The following FGFR2 variants were observed in gnomAD, a reference collection of about 807,000 sequenced individuals.
FGFR2 encodes the protein BEK fibroblast growth factor receptor.
FGFR2 carries 19 observed loss-of-function variants against 95.9 expected under a neutral mutation model. The ratio of observed to expected loss-of-function variants is 0.20; its 90% CI spans 0.14 to 0.29. The LOEUF (loss-of-function observed/expected upper bound fraction) is 0.29, where lower values mean the gene tolerates loss of function less well. Among genes scored for constraint, FGFR2 ranks in the 10% least tolerant of loss-of-function variants. The pLI, the probability that FGFR2 is intolerant of heterozygous loss-of-function variation, is 1.00. For synonymous variants in FGFR2, 392 were observed against 393.3 expected (o/e 1.00, Z 0.04); for missense variants, 707 against 1,056.9 (o/e 0.67, Z 4.59).
chr10:121,494,239 A>G (rs1846490761), intron 13 of FGFR2, among the ~76,000 whole-genome samples: 1 of 151,732 alleles, frequency 6.6e-6, no homozygotes, highest in Non-Finnish European at 1.5e-5. Context: ...ACCTTTTTCA[A>G]TATTTTTTTA....
At chr10:121,496,798 A>T (rs1846887189) in intron 12 of FGFR2, 76 bp from the exon 13 acceptor site, 18 of 1,238,810 alleles carry the variant, frequency 1.5e-5, no homozygotes, top group Non-Finnish European at 2.1e-5. Context: ...AAACATTTTT[A>T]GTTATTACAA....
chr10:121,520,395 A>G (rs1217851085), intron 6 of FGFR2, among the ~76,000 whole-genome samples: 7 of 152,222 alleles, frequency 4.6e-5, no homozygotes, highest in Non-Finnish European at 1.0e-4. Flanking sequence ...TAGAAAATTG[A>G]GAAAAGAACT....
intron 2 of FGFR2, among the ~76,000 whole-genome samples, chr10:121,587,379 A>C (rs541152535): frequency 6.6e-6 from 1 of 152,364 alleles, no homozygotes; most frequent in East Asian, 1.9e-4. Flanking sequence ...CATCAAAAGC[A>C]ATTGCAACAA....
At chr10:121,496,344 T>A (rs1210955773) in intron 13 of FGFR2, among the ~76,000 whole-genome samples, 188 bp downstream of exon 13, 1 of 152,184 alleles carries the variant, frequency 6.6e-6, no homozygotes, top group Non-Finnish European at 1.5e-5. Context: ...ATGCTATAGG[T>A]TTATGAGGCT....
At chr10:121,581,243 G>A (rs530850539) in intron 2 of FGFR2, among the ~76,000 whole-genome samples, 30 of 152,300 alleles carry the variant, frequency 2.0e-4, no homozygotes, top group African/African-American at 6.7e-4. Context: ...CCAGCTGCAC[G>A]CATTCACTCA....
chr10:121,575,017 G>A (rs575002337), intron 2 of FGFR2, among the ~76,000 whole-genome samples: 5 of 152,322 alleles, frequency 3.3e-5, no homozygotes, highest in South Asian at 2.1e-4. Flanking sequence ...GCTAACAGCC[G>A]CCTCTGCAGC....
At chr10:121,548,863 T>TC (rs1307736887) in intron 5 of FGFR2, among the ~76,000 whole-genome samples, 1 of 151,792 alleles carries the variant, frequency 6.6e-6, no homozygotes, top group Non-Finnish European at 1.5e-5. Context: ...CTAACCAGCA[T>TC]CCCCCCATGA....
intron 9 of FGFR2, among the ~76,000 whole-genome samples, chr10:121,509,779 G>T (rs908692248): frequency 6.6e-6 from 1 of 151,832 alleles, no homozygotes; most frequent in Non-Finnish European, 1.5e-5. Context: ...CACTGCGCCC[G>T]GTCTAACAGT....
At chr10:121,484,569 C>A (rs760378119) in intron 16 of FGFR2, among the ~76,000 whole-genome samples, 1 of 152,312 alleles carries the variant, frequency 6.6e-6, no homozygotes, top group East Asian at 1.9e-4. Context: ...AAATGATACA[C>A]AATAGACCGC....
At chr10:121,512,029 G>T (rs1346232514) in intron 9 of FGFR2, among the ~76,000 whole-genome samples, 1 of 152,196 alleles carries the variant, frequency 6.6e-6, no homozygotes, top group Admixed American at 6.5e-5. Context: ...CGCTGTGTGT[G>T]TATGGGTGTT....
At chr10:121,504,528 T>C (rs948184745) in intron 9 of FGFR2, among the ~76,000 whole-genome samples, 18 of 152,146 alleles carry the variant, frequency 1.2e-4, no homozygotes, top group Admixed American at 1.3e-4. Flanking sequence ...GACCCCAGCA[T>C]TGGGGGCCAT....
intron 5 of FGFR2, among the ~76,000 whole-genome samples, chr10:121,539,274 C>A (rs1853337704): frequency 6.6e-6 from 1 of 152,230 alleles, no homozygotes; most frequent in Admixed American, 6.5e-5. Flanking sequence ...GAACATCAGT[C>A]TGCCCTTCCC....
rs189761593 is a variant in FGFR2, at chr10:121,590,970, C to T, written c.109+2739G>A. ...TGATGGACAGGGGCACAGGCACGCA[C>T]GCACGCACGCGCACTCGCGCACACA... On this transcript the variant is annotated intron_variant, in intron 2 of 17. Coordinates refer to ENST00000358487, the MANE Select transcript of FGFR2 (RefSeq NM_000141.5). Among the ~76,000 whole-genome samples the T allele has an allele frequency of 8.9e-4, 135 of 152,062 alleles. 1 individual carries two copies. Among genetic ancestry groups the T allele is most frequent in the East Asian group, 1.9e-3 (10 of 5,176 alleles).
intron 4 of FGFR2, among the ~76,000 whole-genome samples, chr10:121,560,611 T>TC (rs1484022216): frequency 1.3e-3 from 47 of 36,248 alleles, no homozygotes; most frequent in Admixed American, 3.4e-3. Flanking sequence ...CAAGACTCCG[T>TC]CCCCAAAAAA....
rs577082045 is a variant in FGFR2, at chr10:121,563,764, T to C, written c.454+738A>G. ...TTGTGGAGCAAGATTCAAACCCAGG[T>C]TGCCCAGCTCCAAGAGGCTACGCCA... On this transcript the variant is annotated intron_variant, in intron 4 of 17. Coordinates refer to ENST00000358487, the MANE Select transcript of FGFR2 (RefSeq NM_000141.5). Among the ~76,000 whole-genome samples, 14 of 152,292 alleles carry C rather than the reference T, an allele frequency of 9.2e-5. No homozygotes were observed. In the South Asian group the frequency reaches 1.0e-3, roughly 11 times the overall value.
intron 2 of FGFR2, among the ~76,000 whole-genome samples, chr10:121,570,440 C>G (rs1452519835): frequency 6.6e-6 from 1 of 152,242 alleles, no homozygotes; most frequent in Non-Finnish European, 1.5e-5. Flanking sequence ...GACAACCTCT[C>G]CCTGACTCCA....
In FGFR2 at chr10:121,518,843, A is replaced by G. The variant is rs892224451; in HGVS notation, c.939+1136T>C. 1 of 1,614,030 alleles carries G rather than the reference A, an allele frequency of 6.2e-7. No homozygotes were observed. Among genetic ancestry groups the G allele is most frequent in the Non-Finnish European group, 8.5e-7 (1 of 1,179,906 alleles). ...TATCCCCGAGTGCTAGAACAGACAC[A>G]GGAGAACAATATAACGGCCAACCAG... On this transcript the variant is annotated intron_variant, in intron 7 of 17. Transcript: ENST00000358487. The surrounding 1 kb of genome is among the most constrained non-coding windows in gnomAD (Gnocchi z 4.0).
At chr10:121,496,226 G>A (rs896919698) in intron 13 of FGFR2, among the ~76,000 whole-genome samples, 5 of 151,922 alleles carry the variant, frequency 3.3e-5, no homozygotes, top group Non-Finnish European at 5.9e-5. Context: ...CGAATTAAAG[G>A]GGGCCTTTAA....
In FGFR2 at chr10:121,500,702, AC is replaced by A; in HGVS notation, c.1561+123del. On this transcript the variant is annotated intron_variant, in intron 11 of 17. Coordinates refer to ENST00000358487, the MANE Select transcript of FGFR2 (RefSeq NM_000141.5). ...GCTGATTTATACCGAAAACTTCTCA[AC>A]CCCTAGGTCAACTATGTGCTCTCTG... is the stretch of plus-strand genomic sequence containing the variant. The A allele has an allele frequency of 5.1e-6, 7 of 1,364,552 alleles. No homozygotes were observed. The South Asian group carries it at 8.4e-5, about 16-fold the overall frequency. The allele number at this position is 1,364,552 out of a possible 1,614,324, so 84.5% of individuals were successfully genotyped here.
Sources: gnomAD v4.1 joint callset for allele counts (sites outside exome capture counted in the v4.1 genomes callset) on GRCh38, gnomAD v4.1.1 for gene constraint, Gnocchi (gnomAD v3.1) non-coding constraint, MANE v1.5 for transcripts, NCBI Gene and HGNC (gene_info 2026-07-23, HGNC 2026-07-21) for gene names.